The following IK variants were observed in gnomAD, a reference collection of about 807,000 sequenced individuals.
The protein encoded by IK is protein Red.
A neutral mutation model predicts 90.9 loss-of-function variants in IK; 47 were observed. The ratio of observed to expected loss-of-function variants is 0.52; its 90% CI spans 0.41 to 0.66. The LOEUF is 0.66. IK is among the 30% of genes least tolerant of loss of function. The probability of loss-of-function intolerance (pLI) is 0.00; values close to 1 mark genes in which losing one functional copy is unlikely to be tolerated. For synonymous variants in IK, 201 were observed against 227.5 expected (o/e 0.88, Z 1.05); for missense variants, 385 against 709.3 (o/e 0.54, Z 5.19).
At chr5:140,650,392 C>T (rs1433075064) in intron 2 of IK, among the ~76,000 whole-genome samples, 1 of 152,086 alleles carries the variant, frequency 6.6e-6, no homozygotes, top group Non-Finnish European at 1.5e-5. Flanking sequence ...AGGAAGAGCC[C>T]TAGTCAGAAG....
Position 140,659,305 on chromosome 5 carries a change from T to G in IK, c.1177-10T>G. On this transcript the variant is annotated splice_polypyrimidine_tract_variant and intron_variant, in intron 12 of 19. Transcript: ENST00000417647. ...GGTAACACTAACTTCACATTTTGTG[T>G]TCTTTCCAGCCCATGGACGTTGACA... 1 of 1,613,978 alleles carries G rather than the reference T, an allele frequency of 6.2e-7. No homozygotes were observed. The highest frequency in any genetic ancestry group is 8.5e-7 in the Non-Finnish European group (1 of 1,179,858).
rs368676150 is a variant in IK at position 140,659,078 on chromosome 5, C to T, written c.1090C>T (p.Arg364Trp). 69 of 1,612,126 alleles carry T rather than the reference C, an allele frequency of 4.3e-5. No homozygotes were observed. In the East Asian group the frequency reaches 6.2e-4, roughly 15 times the overall value. The part of the protein sequence containing the change: ...RDRERERERD[R>W]ERERERDRER... ...CCGAGAGCGAGAGCGAGAACGAGAT[C>T]GGGAACGAGAGCGAGAGCGGGACCG... The change falls in exon 12 of 20, where the codon CGG becomes TGG. Residue 364 changes from arginine to tryptophan, a missense_variant. Arg to Trp is a moderately radical substitution (Grantham distance 101). Coordinates refer to ENST00000417647, the MANE Select transcript of IK (RefSeq NM_006083.4).
chr5:140,659,033 G>T lies in IK; in HGVS notation c.1045G>T (p.Glu349Ter). ...ATATCGGGAACGGGAGCGTGATCGG[G>T]AAAGAGACAGAGACCGTGACCGAGA... ...ERYRERERDR[E>*]RDRDRDRERE... Residue 349 changes from glutamate to a stop codon, truncating the protein, a stop_gained, in exon 12 of 20, where the codon GAA becomes TAA. Transcript: ENST00000417647. LOFTEE classifies it high-confidence loss of function. 1 of 1,612,706 alleles carries T rather than the reference G, an allele frequency of 6.2e-7. No individual in the cohort carries two copies. The highest frequency in any genetic ancestry group is 1.1e-5 in the South Asian group (1 of 91,060).
intron 8 of IK, 106 bp from the exon 9 acceptor site, chr5:140,655,723 G>A (rs1009085983): frequency 1.0e-5 from 11 of 1,105,156 alleles, no homozygotes; most frequent in East Asian, 5.1e-5. Flanking sequence ...ATTAAATGAC[G>A]CAAAGCTTGC....
rs1757662920 is a variant in IK, at chr5:140,654,010, C to T, written c.477C>T (p.His159=). 6.2e-7 allele frequency: 1 copy of T among 1,611,986 alleles called. No individual in the cohort carries two copies. The highest frequency in any genetic ancestry group is 1.1e-5 in the South Asian group (1 of 91,012). The change falls in exon 6 of 20, where the codon CAC becomes CAT. Residue 159 remains histidine (H), a synonymous_variant. Coordinates refer to ENST00000417647, the MANE Select transcript of IK (RefSeq NM_006083.4). ...ESKFLGGDME[H]THLVKGLDFA... ...AATTCTTGGGTGGTGACATGGAACA[C>T]ACCCATTTGGTGAAAGGCTTGGATT...
At chr5:140,654,127 G>A in intron 6 of IK, 75 bp downstream of exon 6, 1 of 840,718 alleles carries the variant, frequency 1.2e-6, no homozygotes, top group Non-Finnish European at 2.0e-6. Flanking sequence ...AAGATGAGGA[G>A]GGAGATTCCT....
intron 5 of IK, 43 bp downstream of exon 5, chr5:140,653,187 G>A (rs751654095): frequency 2.6e-6 from 4 of 1,556,938 alleles, no homozygotes; most frequent in Non-Finnish European, 3.5e-6. Flanking sequence ...CAGCATCCGA[G>A]AGTCATGCAA....
intron 1 of IK, 67 bp from the exon 2 acceptor site, chr5:140,648,404 C>G: frequency 2.1e-6 from 3 of 1,437,498 alleles, no homozygotes; most frequent in Non-Finnish European, 2.9e-6. Flanking sequence ...ACTACTATAT[C>G]TCAAATTTTT....
intron 12 of IK, 68 bp from the exon 13 acceptor site, chr5:140,659,247 A>T: frequency 6.2e-7 from 1 of 1,613,216 alleles, no homozygotes; most frequent in Non-Finnish European, 8.5e-7. Flanking sequence ...AATTGTTTCA[A>T]ACTTGGGGGA....
At chr5:140,660,003 A>G in intron 14 of IK, 112 bp from the exon 15 acceptor site, 1 of 998,334 alleles carries the variant, frequency 1.0e-6, no homozygotes, top group Non-Finnish European at 1.5e-6. Context: ...ATAACAGCTC[A>G]CAGCCCACTC....
At chr5:140,660,259 G>T (rs554747128) in intron 15 of IK, 64 bp downstream of exon 15, 2 of 967,036 alleles carry the variant, frequency 2.1e-6, no homozygotes, top group Non-Finnish European at 3.1e-6. Context: ...GGGGTGAAAT[G>T]GAAATTTGAT....
chr5:140,652,486 G>A (rs565082102), intron 4 of IK, among the ~76,000 whole-genome samples: 1 of 152,076 alleles, frequency 6.6e-6, no homozygotes, highest in African/African-American at 2.4e-5. Context: ...CCAATGCCTG[G>A]CATATGGTAA....
At chr5:140,656,264 C>T (rs993563084) in intron 9 of IK, among the ~76,000 whole-genome samples, 12 of 152,230 alleles carry the variant, frequency 7.9e-5, no homozygotes, top group Admixed American at 3.9e-4. Context: ...GCTATCTTGG[C>T]TCACTGCAAA....
intron 19 of IK, 31 bp downstream of exon 19, chr5:140,662,244 T>C (rs1757810876): frequency 6.2e-7 from 1 of 1,613,996 alleles, no homozygotes; most frequent in African/African-American, 1.3e-5. Flanking sequence ...TCTGTGGGAC[T>C]GGTGGGAATT....
At position 140,659,190 on chromosome 5, in the gene IK, G is replaced by A. The variant is rs1757761509; in HGVS notation, c.1176+26G>A. 3 of 1,595,362 alleles carry A rather than the reference G, an allele frequency of 1.9e-6. No homozygotes were observed. In the African/African-American group the frequency reaches 4.0e-5, roughly 21 times the overall value. ...GTGAGATGTGGGCCCTTAGTACCAGGTGATGGAGTTGCCCCTCTCTGGAAA... is the reference window on the plus strand; with the variant it reads ...GTGAGATGTGGGCCCTTAGTACCAGATGATGGAGTTGCCCCTCTCTGGAAA... On this transcript the variant is annotated intron_variant, in intron 12 of 19. Coordinates refer to ENST00000417647, the MANE Select transcript of IK (RefSeq NM_006083.4).
intron 2 of IK, 116 bp from the exon 3 acceptor site, chr5:140,651,598 A>T: frequency 4.9e-6 from 3 of 614,192 alleles, no homozygotes; most frequent in Non-Finnish European, 8.7e-6. Context: ...ACAGTGTCAT[A>T]TCTTTGTTTT....
At chr5:140,656,520 G>A (rs1269706774) in intron 9 of IK, among the ~76,000 whole-genome samples, 4 of 128,256 alleles carry the variant, frequency 3.1e-5, no homozygotes, top group Admixed American at 2.4e-4. Context: ...ATTGGTTTCC[G>A]CACTTCCACT....
At chr5:140,652,241 G>A in intron 4 of IK, 94 bp downstream of exon 4, 4 of 956,636 alleles carry the variant, frequency 4.2e-6, no homozygotes, top group Non-Finnish European at 6.7e-6. Flanking sequence ...CTAAGATTTT[G>A]TCTTGAGGCT....
At chr5:140,648,027 T>G (rs987777919) in intron 1 of IK, 103 bp downstream of exon 1, 18 of 1,027,360 alleles carry the variant, frequency 1.8e-5, no homozygotes, top group South Asian at 7.7e-5. Flanking sequence ...TGTGTGTGTG[T>G]GTGTGTGTGT....
Sources: gnomAD v4.1 joint callset for allele counts (sites outside exome capture counted in the v4.1 genomes callset) on GRCh38, gnomAD v4.1.1 for gene constraint, MANE v1.5 for transcripts, NCBI Gene and HGNC (gene_info 2026-07-23, HGNC 2026-07-21) for gene names.